DUOX1: variants seen among roughly 807,000 people sequenced by gnomAD.
The protein encoded by DUOX1 is dual oxidase 1.
A neutral mutation model predicts 181.8 loss-of-function variants in DUOX1; 134 were observed. That is an observed-to-expected ratio of 0.74 (90% CI 0.64 to 0.85). The LOEUF (loss-of-function observed/expected upper bound fraction) is 0.85, where lower values mean the gene tolerates loss of function less well. Ranked by LOEUF, DUOX1 falls within the 40% of genes least tolerant of loss-of-function variation. The probability of loss-of-function intolerance (pLI) is 0.00; values close to 1 mark genes in which losing one functional copy is unlikely to be tolerated. For missense variants in DUOX1, 1,814 were observed against 2,064.4 expected, an observed-to-expected ratio of 0.88 and a Z score of 2.35; for synonymous variants, 798 against 832.5, an observed-to-expected ratio of 0.96 and a Z score of 0.71.
Position 45,132,003 on chromosome 15 carries a change from G to A in DUOX1, c.37G>A (p.Val13Ile). 1 of 1,613,478 alleles carries A rather than the reference G, an allele frequency of 6.2e-7. No homozygotes were observed. Residue 13 changes from valine to isoleucine, a missense_variant, in exon 2 of 34, where the codon GTT becomes ATT. By Grantham distance (29) the Val-to-Ile change is conservative. Transcript: ENST00000389037. Reference protein sequence around the residue: ...FCLALAWTLLVGAWTPLGAQN... With the variant: ...FCLALAWTLLIGAWTPLGAQN... ...CCTGGCTCTAGCATGGACACTTCTG[G>A]TTGGGGCATGGACCCCTCTGGGTGA...
intron 25 of DUOX1, chr15:45,152,727 C>G (rs572853303): frequency 1.7e-4 from 101 of 603,782 alleles, no homozygotes; most frequent in African/African-American, 1.6e-3. Context: ...GGGCGCCTCA[C>G]CAGCCTCAGC....
intron 29 of DUOX1, among the ~76,000 whole-genome samples, chr15:45,161,398 A>G (rs1165875657): frequency 7.6e-6 from 1 of 131,292 alleles, no homozygotes; most frequent in Non-Finnish European, 1.6e-5. Context: ...CAGCCTGGCA[A>G]CAGAGTGAGA....
rs1264337562 is a variant in DUOX1 at position 45,134,190 on chromosome 15, T to A, written c.188T>A (p.Val63Glu). The change falls in exon 4 of 34, where the codon GTG becomes GAG. Residue 63 changes from valine to glutamate, a missense_variant. This residue lies in a region of DUOX1 where 320 missense variants were observed against 313.1 expected (regional missense o/e 1.02). Transcript: ENST00000389037. ...GTCCCAGCCAGCTATGCAGATGGCG[T>A]GTACCAGCCCTTGGGAGAACCCCAC... ...RLVPASYADG[V>E]YQPLGEPHLP... 1 of 1,555,820 alleles carries A rather than the reference T, an allele frequency of 6.4e-7. No individual in the cohort carries two copies. Among genetic ancestry groups the A allele is most frequent in the Non-Finnish European group, 8.7e-7 (1 of 1,155,796 alleles).
intron 33 of DUOX1, 107 bp downstream of exon 33, chr15:45,164,025 C>T: frequency 6.8e-7 from 1 of 1,473,834 alleles, no homozygotes; most frequent in Non-Finnish European, 9.2e-7. Context: ...GATGAGAACC[C>T]ATCCCCTGGG....
chr15:45,162,997 A>G (rs1026748212), intron 31 of DUOX1, among the ~76,000 whole-genome samples: 1 of 152,218 alleles, frequency 6.6e-6, no homozygotes, highest in Non-Finnish European at 1.5e-5. Context: ...TGCTGTCAGC[A>G]TTCAGAGGGT....
At chr15:45,140,513 C>G (rs138598069) in intron 12 of DUOX1, 3 of 180,900 alleles carry the variant, frequency 1.7e-5, no homozygotes, top group Admixed American at 5.4e-5. Context: ...TATAATCAGG[C>G]ATTTGATTAA....
chr15:45,149,352 G>C (rs1373870936), intron 21 of DUOX1, among the ~76,000 whole-genome samples: 1 of 152,188 alleles, frequency 6.6e-6, no homozygotes. Context: ...CAGGCAGCCA[G>C]GGCAGCAGGC....
In DUOX1 at chr15:45,144,250, G is replaced by C. The variant is rs775225792; in HGVS notation, c.2136+15G>C. On this transcript the variant is annotated intron_variant, in intron 17 of 33. Coordinates refer to ENST00000389037, the MANE Select transcript of DUOX1 (RefSeq NM_175940.3). Reference sequence around the variant, plus strand: ...AGTATGACCTGGTATGGCTCAGCTGGCATCTGGCTCCTTGTCCACAGCCAA... The same window carrying C: ...AGTATGACCTGGTATGGCTCAGCTGCCATCTGGCTCCTTGTCCACAGCCAA... 6.2e-7 allele frequency: 1 copy of C among 1,613,438 alleles called. No homozygotes were observed. Among genetic ancestry groups the C allele is most frequent in the Non-Finnish European group, 8.5e-7 (1 of 1,179,986 alleles).
chr15:45,161,926 A>T lies in DUOX1; in HGVS notation c.4045A>T (p.Ile1349Phe). 1 of 1,613,804 alleles carries T rather than the reference A, an allele frequency of 6.2e-7. No homozygotes were observed. Among genetic ancestry groups the T allele is most frequent in the African/African-American group, 1.3e-5 (1 of 74,906 alleles). Residue 1349 changes from isoleucine (I) to phenylalanine (F), a missense_variant, in exon 30 of 34, where the codon ATC becomes TTC. Physicochemically the swap from Ile to Phe is conservative, Grantham distance 21. Transcript: ENST00000389037. ...AGPWTTRLRE[I>F]YSAPTGDRCA... Reference sequence around the variant, plus strand: ...GCCCTGGACCACTCGCCTCAGGGAGATCTACTCAGCCCCGACGGGTGACAG... The same window carrying T: ...GCCCTGGACCACTCGCCTCAGGGAGTTCTACTCAGCCCCGACGGGTGACAG...
Position 45,135,578 on chromosome 15 carries a change from G to A in DUOX1, c.600G>A (p.Gly200=), listed in dbSNP as rs764740698. The change falls in exon 6 of 34, where the codon GGG becomes GGA. Residue 200 remains glycine, a synonymous_variant. Transcript: ENST00000389037. ...RSFSRGQLAS[G]PDPAFPRDSQ... is the part of the protein sequence containing the mutation. Reference sequence around the variant, plus strand: ...TCTCCAGGGGACAGCTGGCGTCGGGGCCCGACCCCGCTTTTCCCCGAGACT... The same window carrying A: ...TCTCCAGGGGACAGCTGGCGTCGGGACCCGACCCCGCTTTTCCCCGAGACT... The A allele has an allele frequency of 1.9e-6, 3 of 1,561,082 alleles. No homozygotes were observed. In the South Asian group the frequency reaches 3.5e-5, roughly 18 times the overall value.
intron 29 of DUOX1, 48 bp downstream of exon 29, chr15:45,161,038 C>CGGGCAG: frequency 6.2e-7 from 1 of 1,611,450 alleles, no homozygotes; most frequent in Non-Finnish European, 8.5e-7. Context: ...GGGAGCTGAC[C>CGGGCAG]GGGCAGAGGC....
chr15:45,142,767 A>AGAAGGAAGGAAGGAAGGTAGGAAGGAAG (rs1896536432), intron 15 of DUOX1, among the ~76,000 whole-genome samples: 1 of 115,160 alleles, frequency 8.7e-6, no homozygotes, highest in African/African-American at 3.1e-5. Context: ...AAGGAAGGAA[A>AGAAGGAAGGAAGGAAGGTAGGAAGGAAG]GAAGGAAGGA....
Position 45,160,950 on chromosome 15 carries a change from G to T in DUOX1, c.3816G>T (p.Lys1272Asn), listed in dbSNP as rs757025523. 1 of 1,614,198 alleles carries T rather than the reference G, an allele frequency of 6.2e-7. No homozygotes were observed. Among genetic ancestry groups the T allele is most frequent in the South Asian group, 1.1e-5 (1 of 91,080 alleles). ...AGCTGGTGAGCCTGAGCCGGAAGAA[G>T]GTGGAGATCAGCGTGGTGAAGGCGG... ...GDKLVSLSRK[K>N]VEISVVKAEL... is the part of the protein sequence containing the mutation. The change falls in exon 29 of 34, where the codon AAG becomes AAT. Residue 1272 changes from lysine (K) to asparagine (N), a missense_variant. Lys to Asn is a moderately conservative substitution (Grantham distance 94). Coordinates refer to ENST00000389037, the MANE Select transcript of DUOX1 (RefSeq NM_175940.3).
Position 45,138,064 on chromosome 15 carries a change from A to G in DUOX1, c.1113+50A>G, listed in dbSNP as rs778894449. The G allele has an allele frequency of 3.1e-5, 32 of 1,027,604 alleles. No individual in the cohort carries two copies. In the African/African-American group the frequency reaches 4.2e-4, roughly 13 times the overall value. The allele number at this position is 1,027,604 out of a possible 1,614,324, so 63.7% of individuals were successfully genotyped here. On this transcript the variant is annotated intron_variant, in intron 10 of 33. Coordinates refer to ENST00000389037, the MANE Select transcript of DUOX1 (RefSeq NM_175940.3). The stretch of plus-strand genomic sequence containing the variant: ...GGTGGATGTGTGTGTGTGCATGCTT[A>G]TGTGTGTGTGTGTATGTGTGTGTGT...
In DUOX1 at chr15:45,152,758, A is replaced by G; in HGVS notation, c.3424+242A>G. 5.1e-6 allele frequency: 3 copies of G among 592,484 alleles called. No individual in the cohort carries two copies. In the South Asian group the frequency reaches 6.0e-5, roughly 12 times the overall value. The allele number at this position is 592,484 out of a possible 1,614,324, so 36.7% of individuals were successfully genotyped here. A position where few individuals can be genotyped will look rare whatever the true frequency, so the allele number is the denominator to read the frequency against. On this transcript the variant is annotated intron_variant, in intron 25 of 33. Coordinates refer to ENST00000389037, the MANE Select transcript of DUOX1 (RefSeq NM_175940.3). ...TCAGCTGACAAGTTACTAACACCCC[A>G]GAATGAGTGTGCATAATGTGTCAAT... is the stretch of plus-strand genomic sequence containing the variant.
chr15:45,153,773 G>C, intron 26 of DUOX1, 178 bp from the exon 27 acceptor site: 2 of 651,050 alleles, frequency 3.1e-6, no homozygotes, highest in South Asian at 1.8e-5. Context: ...TGTAATCCCA[G>C]CTACTGGGGA....
rs147403157 is a variant in DUOX1 at position 45,164,867 on chromosome 15, G to A, written c.4622G>A (p.Arg1541Gln). 1.3e-5 allele frequency: 21 copies of A among 1,614,014 alleles called. No individual in the cohort carries two copies. Among genetic ancestry groups the A allele is most frequent in the African/African-American group, 2.7e-5 (2 of 74,906 alleles). Residue 1541 changes from arginine (R) to glutamine (Q), a missense_variant, in exon 34 of 34, where the codon CGG becomes CAG. By Grantham distance (43) the Arg-to-Gln change is conservative. Around this residue, in one of 5 missense-constraint regions of DUOX1, gnomAD observed 124 missense variants for 125.7 expected, o/e 0.99. Transcript: ENST00000389037. ...TGTCAGCTCATCAACAGGCAGGACC[G>A]GACTCACTTCTCCCACCATTATGAG... ...KACQLINRQD[R>Q]THFSHHYENF
Position 45,160,895 on chromosome 15 carries a change from T to A in DUOX1, c.3761T>A (p.Leu1254Gln). ...IQLPRFHIFF[L>Q]VPAIIYGGDK... ...CTGCCCCGTTTCCACATCTTCTTCC[T>A]GGTCCCAGCAATCATCTATGGGGGC... The change falls in exon 29 of 34, where the codon CTG becomes CAG. Residue 1254 changes from leucine (L) to glutamine (Q), a missense_variant. Leu to Gln is a moderately radical substitution (Grantham distance 113). This residue lies in a region of DUOX1 where 279 missense variants were observed against 381.9 expected (regional missense o/e 0.73). Coordinates refer to ENST00000389037, the MANE Select transcript of DUOX1 (RefSeq NM_175940.3). 1 of 1,613,876 alleles carries A rather than the reference T, an allele frequency of 6.2e-7. No individual in the cohort carries two copies. The highest frequency in any genetic ancestry group is 8.5e-7 in the Non-Finnish European group (1 of 1,179,826).
chr15:45,130,875 C>G (rs182017344), intron 1 of DUOX1, among the ~76,000 whole-genome samples: 5 of 152,336 alleles, frequency 3.3e-5, no homozygotes, highest in Non-Finnish European at 7.3e-5. Context: ...TGGCTACTTC[C>G]GTATATCCAG....
Sources: gnomAD v4.1 joint callset for allele counts (sites outside exome capture counted in the v4.1 genomes callset) on GRCh38, gnomAD v4.1.1 for gene constraint, gnomAD v4.1.1 regional missense constraint, MANE v1.5 for transcripts, NCBI Gene and HGNC (gene_info 2026-07-23, HGNC 2026-07-21) for gene names.